ZIM3: variants seen among roughly 807,000 people sequenced by gnomAD.
ZIM3 encodes the protein zinc finger protein 657.
A neutral mutation model predicts 12.9 loss-of-function variants in ZIM3; 11 were observed. The observed-to-expected ratio is 0.85, with a 90% CI of 0.54 to 1.41. ZIM3 has a LOEUF of 1.41. Among genes scored for constraint, ZIM3 ranks in the 40% most tolerant of loss-of-function variants. The pLI, the probability that ZIM3 is intolerant of heterozygous loss-of-function variation, is 0.00. For synonymous variants in ZIM3, 205 were observed against 198.5 expected (o/e 1.03, Z -0.28); for missense variants, 604 against 557.2 (o/e 1.08, Z -0.85).
In ZIM3 at chr19:57,135,927, A is replaced by G; in HGVS notation, c.410T>C (p.Leu137Ser). Residue 137 changes from leucine to serine, a missense_variant, in exon 5 of 5, where the codon TTG (leucine) becomes TCG (serine). Coordinates refer to ENST00000269834, the MANE Select transcript of ZIM3 (RefSeq NM_052882.1). ...LPLGIDDVSS[L>S]QHYVQNNSHD... ...AGAATTATTTTGTACATAGTGTTGCAAGGAAGATACATCATCTATGCCCAG... is the reference window on the plus strand; with the variant it reads ...AGAATTATTTTGTACATAGTGTTGCGAGGAAGATACATCATCTATGCCCAG... The G allele has an allele frequency of 1.2e-6, 2 of 1,614,146 alleles. No individual in the cohort carries two copies. Among genetic ancestry groups the G allele is most frequent in the African/African-American group, 1.3e-5 (1 of 75,042 alleles).
At chr19:57,140,048 G>A (rs892195897) in intron 2 of ZIM3, among the ~76,000 whole-genome samples, 3 of 152,188 alleles carry the variant, frequency 2.0e-5, no homozygotes, top group Admixed American at 6.5e-5. Flanking sequence ...CTTGTAAAGC[G>A]AATTCCTTTG....
intron 1 of ZIM3, among the ~76,000 whole-genome samples, chr19:57,144,347 C>A (rs2086927989): frequency 1.3e-5 from 2 of 152,018 alleles, no homozygotes; most frequent in African/African-American, 4.8e-5. Flanking sequence ...ACCACACCAG[C>A]CAGGAATAAA....
Position 57,134,787 on chromosome 19 carries a change from G to T in ZIM3, c.*131C>A. 1 of 889,424 alleles carries T rather than the reference G, an allele frequency of 1.1e-6. No individual in the cohort carries two copies. The highest frequency in any genetic ancestry group is 2.5e-5 in the East Asian group (1 of 39,612). The allele number at this position is 889,424 out of a possible 1,614,324, so 55.1% of individuals were successfully genotyped here. ...GAGTATGCCGAATGGGTTTTCAAAGGATACTGTGATAATAAGTCCTCGCTA... is the reference window on the plus strand; with the variant it reads ...GAGTATGCCGAATGGGTTTTCAAAGTATACTGTGATAATAAGTCCTCGCTA... On this transcript the variant is annotated 3_prime_UTR_variant, in exon 5 of 5. Coordinates refer to ENST00000269834, the MANE Select transcript of ZIM3 (RefSeq NM_052882.1).
At position 57,135,331 on chromosome 19, in the gene ZIM3, T is replaced by C; in HGVS notation, c.1006A>G (p.Lys336Glu). The C allele has an allele frequency of 6.2e-7, 1 of 1,614,106 alleles. No homozygotes were observed. Among genetic ancestry groups the C allele is most frequent in the South Asian group, 1.1e-5 (1 of 91,076 alleles). The change falls in exon 5 of 5, where the codon AAA (lysine) becomes GAA (glutamate). Residue 336 changes from lysine (K) to glutamate (E), a missense_variant. Physicochemically the swap from Lys to Glu is moderately conservative, Grantham distance 56 (BLOSUM62 1). Coordinates refer to ENST00000269834, the MANE Select transcript of ZIM3 (RefSeq NM_052882.1). ...QRIHTGEKPY[K>E]CSICEKAFSQ... is the part of the protein sequence containing the mutation. ...AAGGCCTTCTCACATATGCTACATT[T>C]ATAGGGTTTCTCTCCCGTGTGTATT...
At chr19:57,143,241 G>T (rs1196504874) in intron 1 of ZIM3, among the ~76,000 whole-genome samples, 1 of 151,846 alleles carries the variant, frequency 6.6e-6, no homozygotes, top group East Asian at 1.9e-4. Flanking sequence ...TGAGGCAGGA[G>T]AATGGCGGGA....
chr19:57,143,285 C>T (rs1282483331), intron 1 of ZIM3, among the ~76,000 whole-genome samples: 6 of 149,812 alleles, frequency 4.0e-5, no homozygotes, highest in South Asian at 2.1e-4. Flanking sequence ...GAGCCGAGAT[C>T]GCGCCACCGC....
In ZIM3 at chr19:57,135,646, C is replaced by T. The variant is rs2086882779; in HGVS notation, c.691G>A (p.Ala231Thr). 6.2e-7 allele frequency: 1 copy of T among 1,611,934 alleles called. No individual in the cohort carries two copies. Among genetic ancestry groups the T allele is most frequent in the Non-Finnish European group, 8.5e-7 (1 of 1,178,418 alleles). ...AAGAGATTTGACTTCTGCTTGTAGG[C>T]ATTTCCACAGTTCTCACATTTATAG... ...RPYKCENCGN[A>T]YKQKSNLFQH... Residue 231 changes from alanine to threonine, a missense_variant, in exon 5 of 5, where the codon GCC (alanine) becomes ACC (threonine). Physicochemically the swap from Ala to Thr is moderately conservative, Grantham distance 58. Transcript: ENST00000269834.
At chr19:57,136,217 C>T (rs922945904) in intron 4 of ZIM3, 122 bp from the exon 5 acceptor site, 5 of 873,686 alleles carry the variant, frequency 5.7e-6, no homozygotes, top group East Asian at 4.9e-5. Context: ...CTACGAGAAA[C>T]CAAAGTTAAT....
intron 1 of ZIM3, among the ~76,000 whole-genome samples, chr19:57,144,383 A>T (rs1036165222): frequency 1.3e-5 from 2 of 152,182 alleles, no homozygotes; most frequent in Admixed American, 6.6e-5. Flanking sequence ...ATATGTTTTT[A>T]AAAAGAATAA....
chr19:57,143,721 G>T (rs996385186), intron 1 of ZIM3, among the ~76,000 whole-genome samples: 4 of 150,318 alleles, frequency 2.7e-5, no homozygotes, highest in African/African-American at 9.8e-5. Flanking sequence ...TGTCGCCCAG[G>T]CTGGAGTGCA....
chr19:57,142,193 G>A (rs1370622072), intron 2 of ZIM3, among the ~76,000 whole-genome samples: 2 of 147,432 alleles, frequency 1.4e-5, no homozygotes, highest in African/African-American at 2.5e-5. Context: ...ACCCAGGCTG[G>A]AGTGCAGTGG....
At chr19:57,136,458 T>G (rs910499308) in intron 4 of ZIM3, among the ~76,000 whole-genome samples, 1 of 149,382 alleles carries the variant, frequency 6.7e-6, no homozygotes, top group East Asian at 2.0e-4. Flanking sequence ...AGGTCGGGGG[T>G]TCAAGACCAG....
At chr19:57,142,496 T>C (rs11084488) in intron 2 of ZIM3, 133 bp downstream of exon 2, 463,835 of 916,252 alleles carry the variant, frequency 0.51, 122,646 homozygotes, top group South Asian at 0.56. Flanking sequence ...GTAGAGTGTG[T>C]GTTACCTTTT....
At chr19:57,138,699 T>C in intron 2 of ZIM3, 101 bp from the exon 3 acceptor site, 1 of 1,415,574 alleles carries the variant, frequency 7.1e-7, no homozygotes. Flanking sequence ...ATCATGTCCA[T>C]AATTCACTCT....
intron 3 of ZIM3, among the ~76,000 whole-genome samples, chr19:57,138,208 G>C (rs922996698): frequency 1.3e-5 from 2 of 152,064 alleles, no homozygotes; most frequent in African/African-American, 4.8e-5. Flanking sequence ...TCAAGACCAG[G>C]AGTAGGGTGA....
At chr19:57,138,988 T>C (rs1434999048) in intron 2 of ZIM3, among the ~76,000 whole-genome samples, 1 of 151,900 alleles carries the variant, frequency 6.6e-6, no homozygotes, top group Non-Finnish European at 1.5e-5. Flanking sequence ...GCCAGGAGTT[T>C]GAGGCTAGCT....
chr19:57,143,107 C>T (rs1467266021), intron 1 of ZIM3, among the ~76,000 whole-genome samples: 1 of 152,076 alleles, frequency 6.6e-6, no homozygotes, highest in Non-Finnish European at 1.5e-5. Context: ...GCAGGCGGAT[C>T]ACGAGGTCAG....
Position 57,135,431 on chromosome 19 carries a change from A to G in ZIM3, c.906T>C (p.Thr302=), listed in dbSNP as rs200862171. ...STLIQHKKVH[T]GQKPFQCTDC... Reference sequence around the variant, plus strand: ...CCGTACATTGAAAGGGTTTTTGTCCAGTGTGAACTTTTTTATGTTGAATGA... The same window carrying G: ...CCGTACATTGAAAGGGTTTTTGTCCGGTGTGAACTTTTTTATGTTGAATGA... Residue 302 remains threonine (T), a synonymous_variant, in exon 5 of 5, where the codon ACT becomes ACC. Coordinates refer to ENST00000269834, the MANE Select transcript of ZIM3 (RefSeq NM_052882.1). 6.2e-7 allele frequency: 1 copy of G among 1,614,140 alleles called. No individual in the cohort carries two copies. The highest frequency in any genetic ancestry group is 1.1e-5 in the South Asian group (1 of 91,080).
At chr19:57,140,440 A>T (rs4427915) in intron 2 of ZIM3, among the ~76,000 whole-genome samples, 118,072 of 151,812 alleles carry the variant, frequency 0.78, 46,519 homozygotes, top group African/African-American at 0.9. Context: ...CCTCCCGAAG[A>T]GCTGGGATTA....
Sources: gnomAD v4.1 joint callset for allele counts (sites outside exome capture counted in the v4.1 genomes callset) on GRCh38, gnomAD v4.1.1 for gene constraint, MANE v1.5 for transcripts, NCBI Gene and HGNC (gene_info 2026-07-23, HGNC 2026-07-21) for gene names.